Variants in RNF14 observed in about 807,000 individuals in gnomAD.
RNF14 encodes the protein E3 ubiquitin-protein ligase RNF14.
In RNF14, 26 loss-of-function variants were observed where a neutral mutation model predicts 52.6. That is an observed-to-expected ratio of 0.49 (90% CI 0.36 to 0.69). RNF14 has a LOEUF of 0.69. Among genes scored for constraint, RNF14 ranks in the 30% least tolerant of loss-of-function variants. The probability of loss-of-function intolerance (pLI) is 0.00; values close to 1 mark genes in which losing one functional copy is unlikely to be tolerated. For synonymous variants in RNF14, 194 were observed against 202.0 expected, an observed-to-expected ratio of 0.96 and a Z score of 0.34; for missense variants, 404 against 560.4, an observed-to-expected ratio of 0.72 and a Z score of 2.82.
At chr5:141,972,842 C>T (rs961002052) in intron 2 of RNF14, among the ~76,000 whole-genome samples, 2 of 152,148 alleles carry the variant, frequency 1.3e-5, no homozygotes, top group South Asian at 2.1e-4. Context: ...TTGCCCGCCT[C>T]GGCCTACCAA....
At chr5:141,967,855 A>G (rs531886166), upstream of RNF14, among the ~76,000 whole-genome samples, 8 of 152,356 alleles carry the variant, frequency 5.3e-5, no homozygotes, top group South Asian at 1.4e-3. Flanking sequence ...TTCACATGCA[A>G]TAAAATTAAC....
chr5:141,974,811 A>G lies in RNF14; in HGVS notation c.162A>G (p.Ser54=). ...TCTTTGTTTTTGGTTCAGGCAATTC[A>G]AATGAGTGTCTCCAGAATAGTGGCT... ...QNFKIFVSGN[S]NECLQNSGFE... Residue 54 remains serine (S), a synonymous_variant, in exon 4 of 9, where the codon TCA becomes TCG. Transcript: ENST00000394520. 1 of 1,613,954 alleles carries G rather than the reference A, an allele frequency of 6.2e-7. No homozygotes were observed. Among genetic ancestry groups the G allele is most frequent in the South Asian group, 1.1e-5 (1 of 91,062 alleles).
chr5:141,983,756 T>A (rs571558914), intron 7 of RNF14, among the ~76,000 whole-genome samples: 1 of 152,312 alleles, frequency 6.6e-6, no homozygotes, highest in African/African-American at 2.4e-5. Flanking sequence ...AAGTATTTGC[T>A]TACAGTGACC....
Position 141,980,351 on chromosome 5 carries a change from G to C in RNF14, c.1063G>C (p.Glu355Gln). 6.2e-7 allele frequency: 1 copy of C among 1,612,212 alleles called. No homozygotes were observed. Among genetic ancestry groups the C allele is most frequent in the Non-Finnish European group, 8.5e-7 (1 of 1,178,814 alleles). The change falls in exon 6 of 9, where the codon GAG (glutamate) becomes CAG (glutamine). Residue 355 changes from glutamate to glutamine, a missense_variant and splice_region_variant. Glu to Gln is a conservative substitution (Grantham distance 29). Coordinates refer to ENST00000394520, the MANE Select transcript of RNF14 (RefSeq NM_004290.5). The part of the protein sequence containing the change: ...HGVSPCKVTA[E>Q]KLMDLRNEYL... ...GGTCTCCCCATGTAAGGTGACTGCA[G>C]GTATGTTTTAACTGTGAACCCAAAC...
chr5:141,965,575 A>G, upstream of RNF14, among the ~76,000 whole-genome samples: 1 of 152,180 alleles, frequency 6.6e-6, no homozygotes, highest in East Asian at 1.9e-4. Flanking sequence ...TTTGTTACAA[A>G]AAACCCTTAT....
intron 3 of RNF14, among the ~76,000 whole-genome samples, chr5:141,974,551 T>C (rs164494): frequency 0.88 from 134,120 of 152,256 alleles, 59,305 homozygotes; most frequent in East Asian, 0.98. Flanking sequence ...GGAATTGTAC[T>C]CAGAAGTGTA....
chr5:141,960,201 C>T lies in RNF14; in HGVS notation c.-181+1776C>T, dbSNP rs765583335. 2.6e-5 allele frequency among the ~76,000 whole-genome samples: 4 copies of T among 152,294 alleles called. No individual in the cohort carries two copies. In the East Asian group the frequency reaches 5.8e-4, roughly 22 times the overall value. On this transcript the variant is annotated intron_variant, in intron 1 of 4. Transcript: ENST00000506822. ...CAGCCCACGTGACAGTCTCACTATC[C>T]GCCCCGCAATCGTCCCCCTGTGTGC...
At chr5:141,955,836 C>T (rs149764925), upstream of RNF14, 8 of 1,614,096 alleles carry the variant, frequency 5.0e-6, no homozygotes, top group South Asian at 7.7e-5. The surrounding 1 kb of genome is among the most constrained non-coding windows in gnomAD (Gnocchi z 5.5). Context: ...CTATCTCCAG[C>T]TCCCACTCAC....
upstream of RNF14, among the ~76,000 whole-genome samples, chr5:141,954,180 G>C (rs1176891795): frequency 6.6e-6 from 1 of 152,216 alleles, no homozygotes; most frequent in African/African-American, 2.4e-5. Flanking sequence ...CTAAGTGGCT[G>C]TGTTGAAATC....
At chr5:141,953,928 GA>G (rs1377194893), upstream of RNF14, among the ~76,000 whole-genome samples, 2 of 152,188 alleles carry the variant, frequency 1.3e-5, no homozygotes, top group Non-Finnish European at 1.5e-5. Flanking sequence ...CTGGCACAGT[GA>G]AAATATCTGA....
chr5:141,966,338 CAT>C (rs1753348939), upstream of RNF14, among the ~76,000 whole-genome samples: 1 of 152,120 alleles, frequency 6.6e-6, no homozygotes. Flanking sequence ...AACTTTATGA[CAT>C]TGCTGTCTTT....
At chr5:141,976,230 G>A (rs1371367403) in intron 4 of RNF14, among the ~76,000 whole-genome samples, 1 of 152,244 alleles carries the variant, frequency 6.6e-6, no homozygotes, top group East Asian at 1.9e-4. Context: ...TTAGGCCACT[G>A]ATAGTTGGCT....
the RNF14 span, chr5:141,951,529 C>G: frequency 6.2e-7 from 1 of 1,614,188 alleles, no homozygotes; most frequent in Non-Finnish European, 8.5e-7. Flanking sequence ...CTTATTTCCT[C>G]GGTGGTTTGG....
At chr5:141,977,755 T>A (rs1238438931) in intron 4 of RNF14, among the ~76,000 whole-genome samples, 1 of 152,258 alleles carries the variant, frequency 6.6e-6, no homozygotes, top group Non-Finnish European at 1.5e-5. Context: ...ACAAGGACTC[T>A]GAGGTTGAAT....
chr5:141,970,258 GTATTTTTC>G (rs1753627038), intron 1 of RNF14, among the ~76,000 whole-genome samples: 1 of 152,112 alleles, frequency 6.6e-6, no homozygotes, highest in Admixed American at 6.5e-5. Context: ...TTTTGTTTAA[GTATTTTTC>G]TGTTACCAAA....
intron 4 of RNF14, among the ~76,000 whole-genome samples, chr5:141,976,633 C>A (rs1461882215): frequency 6.6e-6 from 1 of 152,168 alleles, no homozygotes; most frequent in Non-Finnish European, 1.5e-5. Flanking sequence ...ATAGAGCTGT[C>A]ATTCCCTGAA....
At chr5:141,966,023 G>A (rs1665866105), upstream of RNF14, among the ~76,000 whole-genome samples, 1 of 150,532 alleles carries the variant, frequency 6.6e-6, no homozygotes, top group South Asian at 2.1e-4. Context: ...GCTCACATCT[G>A]TAGTCGCGGC....
chr5:141,949,832 G>A, the RNF14 span, among the ~76,000 whole-genome samples: 2 of 152,140 alleles, frequency 1.3e-5, no homozygotes, highest in Admixed American at 6.5e-5. Context: ...GACGTTGTAG[G>A]TAGAGGGGCC....
At chr5:141,966,437 CTT>C (rs1218337231), upstream of RNF14, among the ~76,000 whole-genome samples, 2 of 152,044 alleles carry the variant, frequency 1.3e-5, no homozygotes, top group African/African-American at 4.8e-5. Flanking sequence ...AAAAACAAAT[CTT>C]AGTGCCTCAG....
Sources: allele counts gnomAD v4.1 joint callset (sites outside exome capture counted in the v4.1 genomes callset), GRCh38; gene constraint gnomAD v4.1.1; non-coding constraint Gnocchi (gnomAD v3.1); transcripts MANE v1.5; gene names NCBI Gene and HGNC (gene_info 2026-07-23, HGNC 2026-07-21).